RGS20: variants seen among roughly 807,000 people sequenced by gnomAD.
RGS20 encodes gz-selective GTPase-activating protein.
RGS20 carries 30 observed loss-of-function variants against 33.6 expected under a neutral mutation model. The observed-to-expected ratio is 0.89, with a 90% CI of 0.67 to 1.21. The LOEUF (loss-of-function observed/expected upper bound fraction) is 1.21, where lower values mean the gene tolerates loss of function less well. Among genes scored for constraint, RGS20 ranks in the 50% most tolerant of loss-of-function variants. RGS20 has a pLI of 0.00. For missense variants in RGS20, 472 were observed against 502.4 expected (o/e 0.94, Z 0.58); for synonymous variants, 208 against 197.9 (o/e 1.05, Z -0.43).
chr8:53,894,157 C>G (rs1324114787), intron 2 of RGS20, among the ~76,000 whole-genome samples: 1 of 152,146 alleles, frequency 6.6e-6, no homozygotes, highest in Non-Finnish European at 1.5e-5. Flanking sequence ...TGTCCTGGGT[C>G]TCTGTGTCCA....
chr8:53,924,433 C>CA (rs1813737938), intron 2 of RGS20, among the ~76,000 whole-genome samples: 1 of 151,966 alleles, frequency 6.6e-6, no homozygotes, highest in African/African-American at 2.4e-5. Flanking sequence ...AGTGATCTAC[C>CA]CCCCTTGGCC....
At chr8:53,929,053 A>T (rs1279765011) in intron 2 of RGS20, among the ~76,000 whole-genome samples, 2 of 152,198 alleles carry the variant, frequency 1.3e-5, no homozygotes, top group Non-Finnish European at 2.9e-5. Flanking sequence ...ACAATAAAAG[A>T]TGTTGTATGG....
intron 1 of RGS20, among the ~76,000 whole-genome samples, chr8:53,856,119 T>G (rs764887889): frequency 5.9e-5 from 9 of 152,180 alleles, no homozygotes; most frequent in Non-Finnish European, 1.3e-4. Flanking sequence ...TACTCCAACA[T>G]GGGCCACTAA....
At chr8:53,909,359 C>T (rs1376876081) in intron 2 of RGS20, among the ~76,000 whole-genome samples, 2 of 150,734 alleles carry the variant, frequency 1.3e-5, no homozygotes, top group East Asian at 1.9e-4. Context: ...CAGCAATCCT[C>T]CAGCCTCAGC....
chr8:53,861,873 A>C lies in RGS20; in HGVS notation c.165+9809A>C, dbSNP rs147228911. On this transcript the variant is annotated intron_variant, in intron 1 of 5. Coordinates refer to ENST00000297313, the MANE Select transcript of RGS20 (RefSeq NM_170587.4). ...TTATTTTTACCAACTTATTAGCATC[A>C]TTAAGATCTCTAAGCTTCCCCTTTC... Among the ~76,000 whole-genome samples, 1,339 of 152,364 alleles carry C rather than the reference A, an allele frequency of 8.8e-3. 8 individuals are homozygous for C. The highest frequency in any genetic ancestry group is 0.014 in the Non-Finnish European group (967 of 68,022).
intron 2 of RGS20, among the ~76,000 whole-genome samples, chr8:53,890,401 T>C (rs1164055888): frequency 6.6e-6 from 1 of 152,260 alleles, no homozygotes; most frequent in African/African-American, 2.4e-5. Context: ...AATGAGATCA[T>C]CTGTGTGCCT....
At chr8:53,900,217 C>T (rs1383607325) in intron 2 of RGS20, among the ~76,000 whole-genome samples, 1 of 152,152 alleles carries the variant, frequency 6.6e-6, no homozygotes, top group Non-Finnish European at 1.5e-5. Context: ...TCATAGCTCA[C>T]TGCAGCCTTA....
intron 4 of RGS20, among the ~76,000 whole-genome samples, chr8:53,950,526 GATTTTAGATTTTTGA>G (rs1814680181): frequency 6.6e-6 from 1 of 151,996 alleles, no homozygotes; most frequent in African/African-American, 2.4e-5. Context: ...GAGCAATATG[GATTTTAGATTTTTGA>G]ATTTTGGATG....
intron 3 of RGS20, among the ~76,000 whole-genome samples, chr8:53,940,039 C>T (rs16919683): frequency 0.095 from 14,498 of 152,050 alleles, 1,903 homozygotes; most frequent in African/African-American, 0.3. Context: ...GAATTGGACT[C>T]GAGGCACTCC....
intron 5 of RGS20, 119 bp downstream of exon 4, chr8:53,954,429 T>G: frequency 1.5e-6 from 1 of 655,956 alleles, no homozygotes; most frequent in East Asian, 3.2e-5. Flanking sequence ...TTTGGGAGGC[T>G]GAGGCGGGCG....
At chr8:53,947,343 G>GTA (rs1204827005) in intron 4 of RGS20, among the ~76,000 whole-genome samples, 5 of 136,530 alleles carry the variant, frequency 3.7e-5, no homozygotes, top group African/African-American at 8.0e-5. Context: ...ATATAAGATA[G>GTA]TATATATATT....
chr8:53,860,967 CAA>C (rs1209881089), intron 1 of RGS20, among the ~76,000 whole-genome samples: 8 of 130,712 alleles, frequency 6.1e-5, no homozygotes, highest in Non-Finnish European at 5.0e-5. Context: ...ACCCTGTCTC[CAA>C]AAAAAAAAAA....
At chr8:53,880,597 T>A (rs1470028985) in intron 2 of RGS20, among the ~76,000 whole-genome samples, 1 of 152,156 alleles carries the variant, frequency 6.6e-6, no homozygotes. Context: ...TCCAGCACAC[T>A]CTAGTCTCGC....
intron 5 of RGS20, among the ~76,000 whole-genome samples, chr8:53,956,915 A>G (rs1361923930): frequency 6.6e-6 from 1 of 152,218 alleles, no homozygotes; most frequent in Non-Finnish European, 1.5e-5. Context: ...TGGGAGGCCG[A>G]AGCAGGCAGA....
intron 2 of RGS20, among the ~76,000 whole-genome samples, chr8:53,931,073 G>A (rs1025997868): frequency 6.6e-6 from 1 of 152,170 alleles, no homozygotes; most frequent in East Asian, 1.9e-4. Context: ...CATAAAGCAT[G>A]ACTGTGGCTG....
chr8:53,949,855 T>TA (rs1814659677), intron 4 of RGS20, among the ~76,000 whole-genome samples: 2 of 151,438 alleles, frequency 1.3e-5, no homozygotes, highest in African/African-American at 4.9e-5. Flanking sequence ...CTTTTTTTTT[T>TA]TTGAGATGGA....
chr8:53,942,714 C>T (rs1402948743), intron 3 of RGS20, among the ~76,000 whole-genome samples: 1 of 151,354 alleles, frequency 6.6e-6, no homozygotes, highest in Non-Finnish European at 1.5e-5. Flanking sequence ...ATAAGTTAGG[C>T]GTGGTGGCTT....
intron 2 of RGS20, among the ~76,000 whole-genome samples, chr8:53,903,818 T>C (rs1813095236): frequency 6.6e-6 from 1 of 152,198 alleles, no homozygotes; most frequent in Non-Finnish European, 1.5e-5. Context: ...GTATTTGCGG[T>C]CTTCTTACAG....
intron 2 of RGS20, chr8:53,887,050 T>G (rs948685949): frequency 3.5e-4 from 56 of 160,400 alleles, no homozygotes. Flanking sequence ...TCAGACAACA[T>G]TAGCCACAAT....
Sources: gnomAD v4.1 joint callset for allele counts (sites outside exome capture counted in the v4.1 genomes callset) on GRCh38, gnomAD v4.1.1 for gene constraint, MANE v1.5 for transcripts, NCBI Gene and HGNC (gene_info 2026-07-23, HGNC 2026-07-21) for gene names.